Variants in TOMM70 observed in about 807,000 individuals in gnomAD.
TOMM70 encodes translocase of outer mitochondrial membrane 70, also known as mitochondrial import receptor subunit TOM70.
Under a neutral mutation model 73.6 loss-of-function variants are expected in TOMM70, and 13 were observed. That is an observed-to-expected ratio of 0.18 (90% confidence interval 0.11 to 0.28). The LOEUF (loss-of-function observed/expected upper bound fraction) is 0.28. Ranked by LOEUF, TOMM70 falls within the 10% of genes least tolerant of loss-of-function variation. TOMM70 has a pLI of 1.00. For missense variants in TOMM70, 609 were observed against 747.5 expected, an observed-to-expected ratio of 0.81 and a Z score of 2.16; for synonymous variants, 257 against 271.2, an observed-to-expected ratio of 0.95 and a Z score of 0.51.
intron 1 of TOMM70, among the ~76,000 whole-genome samples, chr3:100,397,147 A>ATC (rs1706834449): frequency 6.6e-6 from 1 of 152,096 alleles, no homozygotes; most frequent in African/African-American, 2.4e-5. Flanking sequence ...TCCATCAGTG[A>ATC]AAGCAAATGC....
At chr3:100,381,545 A>G in intron 5 of TOMM70, 70 bp downstream of exon 5, 1 of 1,483,956 alleles carries the variant, frequency 6.7e-7, no homozygotes. Context: ...CTCAGAACCC[A>G]TATGGGCCCT....
At position 100,375,030 on chromosome 3, in the gene TOMM70, G is replaced by A; in HGVS notation, c.1215C>T (p.His405=). 6.2e-7 allele frequency: 1 copy of A among 1,606,174 alleles called. No homozygotes were observed. The change falls in exon 7 of 12, where the codon CAC becomes CAT. Residue 405 remains histidine, a synonymous_variant. Transcript: ENST00000284320. ...DIDPQNADVY[H]HRGQLKILLD... is the part of the protein sequence containing the mutation. ...AAAACAGACTTACCTGTCCTCGGTGGTGATAAACATCTGCATTCTGAGGAT... is the reference window on the plus strand; with the variant it reads ...AAAACAGACTTACCTGTCCTCGGTGATGATAAACATCTGCATTCTGAGGAT...
chr3:100,395,361 T>G (rs1706811236), intron 1 of TOMM70, among the ~76,000 whole-genome samples: 1 of 151,340 alleles, frequency 6.6e-6, no homozygotes, highest in African/African-American at 2.4e-5. Context: ...AGAGTGAGAC[T>G]CCATCTCAAA....
At position 100,380,016 on chromosome 3, in the gene TOMM70, A is replaced by G. The variant is rs150792137; in HGVS notation, c.884+1599T>C. ...CTGTAATGACATTCCAATGTTGCCTACATTCTAGTTTTGTTTCTCAGGTCA... is the reference window on the plus strand; with the variant it reads ...CTGTAATGACATTCCAATGTTGCCTGCATTCTAGTTTTGTTTCTCAGGTCA... On this transcript the variant is annotated intron_variant, in intron 5 of 11. Coordinates refer to ENST00000284320, the MANE Select transcript of TOMM70 (RefSeq NM_014820.5). Among the ~76,000 whole-genome samples the G allele has an allele frequency of 4.6e-5, 7 of 152,288 alleles. No homozygotes were observed. The East Asian group carries it at 1.4e-3, about 29-fold the overall frequency.
At position 100,386,883 on chromosome 3, in the gene TOMM70, A is replaced by T. The variant is rs1706698454; in HGVS notation, c.420T>A (p.Ala140=). The T allele has an allele frequency of 6.2e-7, 1 of 1,613,950 alleles. No homozygotes were observed. The highest frequency in any genetic ancestry group is 1.3e-5 in the African/African-American group (1 of 74,934). The part of the protein sequence containing the change: ...YEQAIQCYTE[A]ISLCPTEKNV... ...TCTTCTCTGTAGGGCACAAGCTAATAGCCTCAGTATAGCACTGAATAGCTT... is the reference window on the plus strand; with the variant it reads ...TCTTCTCTGTAGGGCACAAGCTAATTGCCTCAGTATAGCACTGAATAGCTT... The change falls in exon 2 of 12, where the codon GCT becomes GCA. Residue 140 remains alanine, a synonymous_variant. Coordinates refer to ENST00000284320, the MANE Select transcript of TOMM70 (RefSeq NM_014820.5).
intron 6 of TOMM70, among the ~76,000 whole-genome samples, chr3:100,376,997 T>C (rs1237818834): frequency 6.6e-6 from 1 of 151,436 alleles, no homozygotes; most frequent in Non-Finnish European, 1.5e-5. Flanking sequence ...AAAGAAACTT[T>C]TAACAATATT....
intron 11 of TOMM70, among the ~76,000 whole-genome samples, chr3:100,366,454 T>G (rs1706448363): frequency 6.6e-6 from 1 of 152,256 alleles, no homozygotes; most frequent in Non-Finnish European, 1.5e-5. Context: ...GCATACATGT[T>G]AGTAAGGTAC....
rs1472140004 is a variant in TOMM70 at position 100,379,171 on chromosome 3, T to C, written c.885-1259A>G. Among the ~76,000 whole-genome samples the C allele has an allele frequency of 6.6e-5, 10 of 151,116 alleles. No homozygotes were observed. The Admixed American group carries it at 6.6e-4, about 10-fold the overall frequency. On this transcript the variant is annotated intron_variant, in intron 5 of 11. Coordinates refer to ENST00000284320, the MANE Select transcript of TOMM70 (RefSeq NM_014820.5). ...TATTATTCTTCTAAGATGATGACTT[T>C]TATGGAGATGCTTGTAGAAGTAATT...
intron 4 of TOMM70, among the ~76,000 whole-genome samples, chr3:100,383,209 GA>G (rs982479983): frequency 6.6e-6 from 1 of 151,320 alleles, no homozygotes; most frequent in Non-Finnish European, 1.5e-5. Flanking sequence ...ATGCTCGAGA[GA>G]AAAAAAAATC....
At chr3:100,371,527 A>G (rs1048337095) in intron 9 of TOMM70, among the ~76,000 whole-genome samples, 3 of 152,050 alleles carry the variant, frequency 2.0e-5, no homozygotes, top group Non-Finnish European at 2.9e-5. Context: ...TCAGCCTCCC[A>G]AAGTGCTGGG....
intron 1 of TOMM70, among the ~76,000 whole-genome samples, chr3:100,390,111 C>T (rs1198962416): frequency 2.0e-5 from 3 of 152,082 alleles, no homozygotes; most frequent in African/African-American, 7.2e-5. Flanking sequence ...GACAAAAGGT[C>T]ATTAAAGTTA....
Position 100,400,643 on chromosome 3 carries a change from C to A in TOMM70, c.307G>T (p.Gly103Cys). 2 of 1,612,242 alleles carry A rather than the reference C, an allele frequency of 1.2e-6. No homozygotes were observed. Among genetic ancestry groups the A allele is most frequent in the South Asian group, 1.1e-5 (1 of 90,898 alleles). The change falls in exon 1 of 12, where the codon GGT becomes TGT. Residue 103 changes from glycine to cysteine, a missense_variant. Coordinates refer to ENST00000284320, the MANE Select transcript of TOMM70 (RefSeq NM_014820.5). ...APGSGHPEGP[G>C]AHLDMNSLDR... ...CTTCTCACCATGTCCAAGTGAGCAC[C>A]GGGACCTTCAGGGTGTCCGCTGCCC...
intron 5 of TOMM70, among the ~76,000 whole-genome samples, 161 bp from the exon 6 acceptor site, chr3:100,378,073 G>A (rs914928256): frequency 7.9e-5 from 12 of 151,896 alleles, no homozygotes; most frequent in East Asian, 7.8e-4. Context: ...GGTGAAACCC[G>A]TCTCTACTAA....
At chr3:100,384,417 T>C in intron 4 of TOMM70, 62 bp downstream of exon 4, 1 of 1,180,168 alleles carries the variant, frequency 8.5e-7, no homozygotes, top group African/African-American at 1.5e-5. Context: ...GCAGCATAAA[T>C]TAGAAAATAC....
chr3:100,377,390 C>T (rs1161419966), intron 6 of TOMM70: 5 of 238,614 alleles, frequency 2.1e-5, no homozygotes, highest in Non-Finnish European at 4.2e-5. Flanking sequence ...ACAGCATTAT[C>T]TACAGAATTG....
In TOMM70 at chr3:100,368,128, C is replaced by A; in HGVS notation, c.1589G>T (p.Gly530Val). 6.2e-7 allele frequency: 1 copy of A among 1,613,346 alleles called. No homozygotes were observed. Among genetic ancestry groups the A allele is most frequent in the Non-Finnish European group, 8.5e-7 (1 of 1,179,828 alleles). ...AATAGCCTTGCTGATAAGTTCCAAACCTCTATCCAGATCTTGCTTCCACTG... is the reference window on the plus strand; with the variant it reads ...AATAGCCTTGCTGATAAGTTCCAAAACTCTATCCAGATCTTGCTTCCACTG... ...QLQWKQDLDR[G>V]LELISKAIEI... is the part of the protein sequence containing the mutation. Residue 530 changes from glycine (G) to valine (V), a missense_variant, in exon 11 of 12, where the codon GGT becomes GTT. Physicochemically the swap from Gly to Val is moderately radical, Grantham distance 109 (BLOSUM62 -3). Coordinates refer to ENST00000284320, the MANE Select transcript of TOMM70 (RefSeq NM_014820.5).
At chr3:100,377,945 A>T (rs757894762) in intron 5 of TOMM70, 33 bp from the exon 6 acceptor site, 22 of 1,582,496 alleles carry the variant, frequency 1.4e-5, no homozygotes, top group Non-Finnish European at 1.8e-5. Flanking sequence ...GAAATTATTT[A>T]CTAAGAAAAA....
intron 7 of TOMM70, among the ~76,000 whole-genome samples, chr3:100,374,503 A>T (rs908581681): frequency 6.6e-6 from 1 of 152,238 alleles, no homozygotes; most frequent in African/African-American, 2.4e-5. Flanking sequence ...TAAGCTGATT[A>T]TAAAGCCATG....
chr3:100,366,135 G>A (rs1470111301), intron 11 of TOMM70, among the ~76,000 whole-genome samples: 2 of 152,094 alleles, frequency 1.3e-5, no homozygotes, highest in Non-Finnish European at 1.5e-5. Flanking sequence ...ACATAATACC[G>A]GGACACTAAT....
Sources: gnomAD v4.1 joint callset for allele counts (sites outside exome capture counted in the v4.1 genomes callset) on GRCh38, gnomAD v4.1.1 for gene constraint, MANE v1.5 for transcripts, NCBI Gene and HGNC (gene_info 2026-07-23, HGNC 2026-07-21) for gene names.